The following PNP variants were observed in gnomAD, a reference collection of about 807,000 sequenced individuals.
The protein encoded by PNP is HEL-S-156an.
PNP carries 18 observed loss-of-function variants against 26.8 expected under a neutral mutation model. The ratio of observed to expected loss-of-function variants is 0.67; its 90% CI spans 0.46 to 1.00. The LOEUF is 1.00. Ranked by LOEUF, PNP falls within the 50% of genes least tolerant of loss-of-function variation. PNP has a pLI of 0.00. For missense variants in PNP, 320 were observed against 362.9 expected, an observed-to-expected ratio of 0.88 and a Z score of 0.96; for synonymous variants, 116 against 124.8, an observed-to-expected ratio of 0.93 and a Z score of 0.47.
chr14:20,471,584 A>G (rs1316797146), intron 1 of PNP, among the ~76,000 whole-genome samples: 3 of 152,064 alleles, frequency 2.0e-5, no homozygotes, highest in African/African-American at 7.2e-5. Flanking sequence ...CAGTTTATCT[A>G]GTTTTTTGTC....
rs776420821 is a variant in PNP at position 20,474,956 on chromosome 14, T to C, written c.461+8T>C. 8 of 1,614,084 alleles carry C rather than the reference T, an allele frequency of 5.0e-6. No homozygotes were observed. The highest frequency in any genetic ancestry group is 1.3e-5 in the African/African-American group (1 of 74,946). On this transcript the variant is annotated splice_region_variant and intron_variant, in intron 4 of 5. Coordinates refer to ENST00000361505, the MANE Select transcript of PNP (RefSeq NM_000270.4). ...AGGGCCCAATGATGAAAGGTATGTA[T>C]GTTACTCCGTTTTTTTTAGGTGGGT...
intron 1 of PNP, among the ~76,000 whole-genome samples, chr14:20,470,959 G>C (rs1409459227): frequency 6.6e-6 from 1 of 152,122 alleles, no homozygotes; most frequent in Non-Finnish European, 1.5e-5. Context: ...ACAATATTGG[G>C]ACTAGAATCT....
rs1445082536 is a variant in PNP, at chr14:20,476,541, A to C, written c.810A>C (p.Lys270Asn). 6.2e-7 allele frequency: 1 copy of C among 1,614,072 alleles called. No individual in the cohort carries two copies. Among genetic ancestry groups the C allele is most frequent in the Non-Finnish European group, 8.5e-7 (1 of 1,180,036 alleles). ...VLAAGKQAAQ[K>N]LEQFVSILMA... Reference sequence around the variant, plus strand: ...CAGCTGGCAAACAAGCTGCACAGAAATTGGAACAGTTTGTCTCCATTCTTA... The same window carrying C: ...CAGCTGGCAAACAAGCTGCACAGAACTTGGAACAGTTTGTCTCCATTCTTA... Residue 270 changes from lysine to asparagine, a missense_variant, in exon 6 of 6, where the codon AAA becomes AAC. Physicochemically the swap from Lys to Asn is moderately conservative, Grantham distance 94. Coordinates refer to ENST00000361505, the MANE Select transcript of PNP (RefSeq NM_000270.4).
chr14:20,469,451 G>T lies in PNP; in HGVS notation c.-74G>T. 6.5e-7 allele frequency: 1 copy of T among 1,540,494 alleles called. No individual in the cohort carries two copies. Among genetic ancestry groups the T allele is most frequent in the African/African-American group, 1.4e-5 (1 of 72,900 alleles). On this transcript the variant is annotated 5_prime_UTR_variant, in exon 1 of 6. Transcript: ENST00000361505. ...GCAGCCTTGCTCAGTTCAGCATAGC[G>T]GAGCGGATCCGATCGGATCGGAGCG...
At chr14:20,471,123 C>T (rs997502162) in intron 1 of PNP, among the ~76,000 whole-genome samples, 4 of 151,294 alleles carry the variant, frequency 2.6e-5, no homozygotes, top group Admixed American at 6.6e-5. Context: ...CTCTGCCTCC[C>T]GGGTTCACAC....
At chr14:20,474,186 A>G (rs1463269366) in intron 2 of PNP, 1 of 382,224 alleles carries the variant, frequency 2.6e-6, no homozygotes, top group Non-Finnish European at 5.0e-6. Flanking sequence ...TATGGCTTGT[A>G]TTATCTTGAA....
chr14:20,472,228 C>A, intron 1 of PNP, 80 bp from the exon 2 acceptor site: 1 of 1,252,122 alleles, frequency 8.0e-7, no homozygotes, highest in Non-Finnish European at 1.2e-6. Flanking sequence ...TACCTGCCAG[C>A]CTTTTTGCAC....
chr14:20,472,311 C>T lies in PNP; in HGVS notation c.15C>T (p.Tyr5=), dbSNP rs750917143. The change falls in exon 2 of 6, where the codon TAC becomes TAT. Residue 5 remains tyrosine, a synonymous_variant. Transcript: ENST00000361505. ...CTTGATATTTTTTCTCCCCCAGATA[C>T]ACCTATGAAGATTATAAGAACACTG... MENG[Y]TYEDYKNTAE... The T allele has an allele frequency of 5.0e-6, 8 of 1,613,268 alleles. No individual in the cohort carries two copies. The highest frequency in any genetic ancestry group is 6.8e-6 in the Non-Finnish European group (8 of 1,179,256).
At position 20,476,439 on chromosome 14, in the gene PNP, T is replaced by C; in HGVS notation, c.708T>C (p.Phe236=). Residue 236 remains phenylalanine, a synonymous_variant, in exon 6 of 6, where the codon TTT becomes TTC. Transcript: ENST00000361505. ...IVARHCGLRV[F]GFSLITNKVI... is the part of the protein sequence containing the mutation. ...CACGGCACTGTGGACTTCGAGTCTT[T>C]GGCTTCTCACTCATCACTAACAAGG... is the stretch of plus-strand genomic sequence containing the variant. The C allele has an allele frequency of 6.2e-7, 1 of 1,614,260 alleles. No individual in the cohort carries two copies. Among genetic ancestry groups the C allele is most frequent in the Non-Finnish European group, 8.5e-7 (1 of 1,180,046 alleles).
rs902244094 is a variant in PNP at position 20,476,719 on chromosome 14, C to T, written c.*118C>T. 2.0e-5 allele frequency: 16 copies of T among 808,798 alleles called. No homozygotes were observed. The highest frequency in any genetic ancestry group is 3.2e-5 in the Non-Finnish European group (15 of 475,628). 50.1% of individuals were successfully genotyped at this position (808,798 alleles called of 1,614,324 possible). ...AGGTTGTAGCAGAAAGGAAAAGATT[C>T]CTGTCCTTCACCTTTCCCACTTTCT... On this transcript the variant is annotated 3_prime_UTR_variant, in exon 6 of 6. Transcript: ENST00000361505.
In PNP at chr14:20,472,344, G is replaced by T; in HGVS notation, c.48G>T (p.Trp16Cys). ...TYEDYKNTAEWLLSHTKHRPQ... is the reference protein window; with the variant it reads ...TYEDYKNTAECLLSHTKHRPQ... ...AAGATTATAAGAACACTGCAGAATG[G>T]CTTCTGTCTCACACTAAGCACCGAC... The change falls in exon 2 of 6, where the codon TGG becomes TGT. Residue 16 changes from tryptophan (W) to cysteine (C), a missense_variant. By Grantham distance (215) the Trp-to-Cys change is radical. Coordinates refer to ENST00000361505, the MANE Select transcript of PNP (RefSeq NM_000270.4). The T allele has an allele frequency of 1.9e-6, 3 of 1,613,878 alleles. No homozygotes were observed. Among genetic ancestry groups the T allele is most frequent in the Non-Finnish European group, 2.5e-6 (3 of 1,179,776 alleles).
intron 5 of PNP, among the ~76,000 whole-genome samples, chr14:20,475,986 T>G (rs1270349335): frequency 1.3e-5 from 2 of 152,194 alleles, no homozygotes; most frequent in African/African-American, 4.8e-5. Flanking sequence ...TCTTTGGATT[T>G]GTTTTAGGTG....
intron 2 of PNP, 61 bp from the exon 3 acceptor site, chr14:20,474,411 A>T: frequency 1.5e-6 from 2 of 1,375,400 alleles, no homozygotes; most frequent in Non-Finnish European, 2.1e-6. Flanking sequence ...GTAGGTGCTT[A>T]ATGGATATGT....
chr14:20,474,282 G>A, intron 2 of PNP, 190 bp from the exon 3 acceptor site: 1 of 584,398 alleles, frequency 1.7e-6, no homozygotes, highest in Non-Finnish European at 3.1e-6. Context: ...GGTTGTATTT[G>A]TATAATTATT....
In PNP at chr14:20,476,639, C is replaced by G. The variant is rs371711940; in HGVS notation, c.*38C>G. ...TCGTCTGGCATCTCCCACACAAGAC[C>G]CAAGTAGCTGCTACCTTCTTTGGCC... On this transcript the variant is annotated 3_prime_UTR_variant, in exon 6 of 6. Coordinates refer to ENST00000361505, the MANE Select transcript of PNP (RefSeq NM_000270.4). The G allele has an allele frequency of 3.2e-5, 49 of 1,533,694 alleles. No individual in the cohort carries two copies. In the African/African-American group the frequency reaches 5.7e-4, roughly 18 times the overall value.
At chr14:20,474,429 G>C (rs771467251) in intron 2 of PNP, 43 bp from the exon 3 acceptor site, 18 of 1,531,846 alleles carry the variant, frequency 1.2e-5, no homozygotes, top group Non-Finnish European at 1.6e-5. Context: ...TGTGTTGCAT[G>C]AAAATATAAT....
Position 20,474,547 on chromosome 14 carries a change from A to T in PNP, c.257A>T (p.His86Leu). 1 of 1,614,164 alleles carries T rather than the reference A, an allele frequency of 6.2e-7. No individual in the cohort carries two copies. Among genetic ancestry groups the T allele is most frequent in the Non-Finnish European group, 8.5e-7 (1 of 1,180,008 alleles). Residue 86 changes from histidine to leucine, a missense_variant, in exon 3 of 6, where the codon CAC becomes CTC. Coordinates refer to ENST00000361505, the MANE Select transcript of PNP (RefSeq NM_000270.4). ...RACVMMQGRF[H>L]MYEGYPLWKV... is the part of the protein sequence containing the mutation. ...TGTGTGATGATGCAGGGCAGGTTCC[A>T]CATGTATGAAGGGTACCCACTCTGG...
In PNP at chr14:20,469,456, G is replaced by GGATCC. The variant is rs1244907830; in HGVS notation, c.-64_-60dup. 2.3e-5 allele frequency: 35 copies of GGATCC among 1,541,140 alleles called. No individual in the cohort carries two copies. In the African/African-American group the frequency reaches 4.5e-4, roughly 20 times the overall value. ...CTTGCTCAGTTCAGCATAGCGGAGC[G>GGATCC]GATCCGATCGGATCGGAGCGGATCG... On this transcript the variant is annotated 5_prime_UTR_variant, in exon 1 of 6. Coordinates refer to ENST00000361505, the MANE Select transcript of PNP (RefSeq NM_000270.4).
intron 1 of PNP, chr14:20,469,916 C>A: frequency 5.0e-6 from 2 of 402,148 alleles, no homozygotes; most frequent in Non-Finnish European, 9.3e-6. Flanking sequence ...CTGCGCTCTT[C>A]ATAAATTCCC....
Sources: allele counts gnomAD v4.1 joint callset (sites outside exome capture counted in the v4.1 genomes callset), GRCh38; gene constraint gnomAD v4.1.1; transcripts MANE v1.5; gene names NCBI Gene and HGNC (gene_info 2026-07-23, HGNC 2026-07-21).